MGAT4C: variants seen among roughly 807,000 people sequenced by gnomAD.
MGAT4C encodes alpha-1,3-mannosyl-glycoprotein 4-beta-N-acetylglucosaminyltransferase C.
A neutral mutation model predicts 40.1 loss-of-function variants in MGAT4C; 19 were observed. That is an observed-to-expected ratio of 0.47 (90% CI 0.33 to 0.70). The LOEUF is 0.70. Among genes scored for constraint, MGAT4C ranks in the 30% least tolerant of loss-of-function variants. MGAT4C has a pLI of 0.02. For missense variants in MGAT4C, 491 were observed against 563.2 expected, an observed-to-expected ratio of 0.87 and a Z score of 1.30; for synonymous variants, 181 against 187.1, an observed-to-expected ratio of 0.97 and a Z score of 0.27.
At chr12:86,370,583 G>A (rs1373885185) in intron 3 of MGAT4C, among the ~76,000 whole-genome samples, 1 of 151,946 alleles carries the variant, frequency 6.6e-6, no homozygotes, top group African/African-American at 2.4e-5. Flanking sequence ...TGCTAACAAA[G>A]GAAATAACCG....
chr12:86,601,149 G>A (rs1039780968), intron 2 of MGAT4C: 3 of 152,512 alleles, frequency 2.0e-5, no homozygotes, highest in Non-Finnish European at 4.4e-5. Flanking sequence ...ACCCCTGGGA[G>A]CAGTCAGCCT....
At chr12:86,106,293 A>C (rs908527111) in intron 1 of MGAT4C, among the ~76,000 whole-genome samples, 1 of 151,636 alleles carries the variant, frequency 6.6e-6, no homozygotes, top group African/African-American at 2.4e-5. Flanking sequence ...AGTTTAGTTT[A>C]GTTTTTTAGG....
chr12:86,533,793 T>C (rs961585613), intron 2 of MGAT4C, among the ~76,000 whole-genome samples: 6 of 151,782 alleles, frequency 4.0e-5, no homozygotes, highest in Admixed American at 3.3e-4. Context: ...AGAAACTAGT[T>C]CAGGTCATGA....
intron 1 of MGAT4C, among the ~76,000 whole-genome samples, chr12:86,052,563 T>C (rs545798681): frequency 5.3e-5 from 8 of 151,990 alleles, no homozygotes; most frequent in Non-Finnish European, 1.2e-4. Flanking sequence ...CATGAGCACA[T>C]GAACAGCTTC....
intron 2 of MGAT4C, among the ~76,000 whole-genome samples, chr12:86,506,530 A>G (rs181550874): frequency 6.6e-6 from 1 of 152,324 alleles, no homozygotes; most frequent in Admixed American, 6.5e-5. Context: ...GGAAAGAGAA[A>G]GTAGATATTT....
At chr12:86,627,999 A>G (rs968081829) in intron 2 of MGAT4C, among the ~76,000 whole-genome samples, 10 of 150,920 alleles carry the variant, frequency 6.6e-5, no homozygotes, top group African/African-American at 9.7e-5. Context: ...AAACCTTGAA[A>G]AAAGATTAGA....
intron 1 of MGAT4C, among the ~76,000 whole-genome samples, chr12:86,228,363 CA>C (rs1368250913): frequency 6.6e-6 from 1 of 151,770 alleles, no homozygotes; most frequent in Non-Finnish European, 1.5e-5. Context: ...AATTTTAATT[CA>C]ATATGCCTTA....
intron 1 of MGAT4C, among the ~76,000 whole-genome samples, chr12:86,176,047 C>T (rs899291590): frequency 2.6e-5 from 4 of 152,120 alleles, no homozygotes; most frequent in Admixed American, 6.5e-5. Flanking sequence ...GGGTGAACCC[C>T]GGCAAGGTGC....
chr12:86,817,270 T>C (rs1952624734), intron 1 of MGAT4C, among the ~76,000 whole-genome samples: 1 of 151,494 alleles, frequency 6.6e-6, no homozygotes, highest in Non-Finnish European at 1.5e-5. Context: ...TTTTGATTGA[T>C]AGAATATTTA....
intron 2 of MGAT4C, among the ~76,000 whole-genome samples, chr12:86,668,054 A>G (rs568078172): frequency 2.6e-5 from 4 of 152,348 alleles, no homozygotes; most frequent in Admixed American, 2.6e-4. Flanking sequence ...CAAATAAAAG[A>G]GCTTAAATTA....
At chr12:86,185,021 A>G (rs937584170) in intron 1 of MGAT4C, among the ~76,000 whole-genome samples, 2 of 152,190 alleles carry the variant, frequency 1.3e-5, no homozygotes, top group African/African-American at 4.8e-5. Flanking sequence ...CTGTCTCTTC[A>G]GCCCTTTTCT....
chr12:86,398,391 G>C (rs1176727824), intron 3 of MGAT4C, among the ~76,000 whole-genome samples: 1 of 152,070 alleles, frequency 6.6e-6, no homozygotes, highest in Non-Finnish European at 1.5e-5. Context: ...AATCACAAAA[G>C]TCTGTTGCAA....
intron 2 of MGAT4C, among the ~76,000 whole-genome samples, chr12:86,008,701 G>A (rs1460628151): frequency 6.6e-6 from 1 of 152,042 alleles, no homozygotes; most frequent in African/African-American, 2.4e-5. Context: ...GGAAGAAAGC[G>A]TTAAGTATTT....
At chr12:86,548,299 G>A (rs1959212505) in intron 2 of MGAT4C, among the ~76,000 whole-genome samples, 1 of 151,966 alleles carries the variant, frequency 6.6e-6, no homozygotes, top group African/African-American at 2.4e-5. Flanking sequence ...TTAATACTGG[G>A]AAAACATGAG....
intron 1 of MGAT4C, among the ~76,000 whole-genome samples, chr12:86,055,318 G>A (rs1365874429): frequency 4.6e-5 from 7 of 152,092 alleles, no homozygotes; most frequent in Middle Eastern, 3.4e-3. Flanking sequence ...GGAGTTAACC[G>A]TCTAGTTGAG....
chr12:86,765,749 T>A (rs1273403625), intron 1 of MGAT4C, among the ~76,000 whole-genome samples: 2 of 152,150 alleles, frequency 1.3e-5, no homozygotes, highest in East Asian at 3.9e-4. Context: ...ACCCAGAATT[T>A]CATATCCAGC....
intron 2 of MGAT4C, among the ~76,000 whole-genome samples, chr12:86,482,538 T>A (rs906705032): frequency 6.6e-6 from 1 of 152,054 alleles, no homozygotes; most frequent in African/African-American, 2.4e-5. Context: ...GTAATTTACA[T>A]TTTCTACCTT....
At chr12:86,266,172 A>G (rs1952782756) in intron 4 of MGAT4C, among the ~76,000 whole-genome samples, 2 of 152,142 alleles carry the variant, frequency 1.3e-5, no homozygotes, top group Non-Finnish European at 2.9e-5. Flanking sequence ...TTCTAGTACT[A>G]TGTTGAATAG....
chr12:86,367,716 G>A (rs574687609), intron 3 of MGAT4C, among the ~76,000 whole-genome samples: 55 of 152,188 alleles, frequency 3.6e-4, no homozygotes, highest in African/African-American at 1.2e-3. Flanking sequence ...GGAGAATGGC[G>A]TGAATCCTGG....
Sources: gnomAD v4.1 joint callset for allele counts (sites outside exome capture counted in the v4.1 genomes callset) on GRCh38, gnomAD v4.1.1 for gene constraint, MANE v1.5 for transcripts, NCBI Gene and HGNC (gene_info 2026-07-23, HGNC 2026-07-21) for gene names.